The following MCM3AP variants were observed in gnomAD, a reference collection of about 807,000 sequenced individuals.
The protein encoded by MCM3AP is germinal-center associated nuclear protein.
Under a neutral mutation model 184.1 loss-of-function variants are expected in MCM3AP, and 126 were observed. The ratio of observed to expected loss-of-function variants is 0.68; its 90% CI spans 0.59 to 0.79. The LOEUF (loss-of-function observed/expected upper bound fraction) is 0.79. MCM3AP is among the 30% of genes least tolerant of loss of function. The pLI, the probability that MCM3AP is intolerant of heterozygous loss-of-function variation, is 0.00. For missense variants in MCM3AP, 2,496 were observed against 2,479.2 expected, an observed-to-expected ratio of 1.01 and a Z score of -0.14; for synonymous variants, 1,002 against 979.3, an observed-to-expected ratio of 1.02 and a Z score of -0.43.
In MCM3AP at chr21:46,259,009, C is replaced by A; in HGVS notation, c.3664G>T (p.Val1222Leu). The change falls in exon 16 of 28, where the codon GTG becomes TTG. Residue 1222 changes from valine to leucine, a missense_variant. Physicochemically the swap from Val to Leu is conservative, Grantham distance 32 (BLOSUM62 1). Around this residue, in one of 5 missense-constraint regions of MCM3AP, gnomAD observed 1,323 missense variants for 1,273.4 expected, o/e 1.04. Transcript: ENST00000291688. ...TTTGCAGTCTGGAAGATTTCCTCCA[C>A]GAGAAACAAGTCCACTAAGTGGGCA... ...VCAHLVDLFL[V>L]EEIFQTAKET... 1 of 1,614,060 alleles carries A rather than the reference C, an allele frequency of 6.2e-7. No individual in the cohort carries two copies. Among genetic ancestry groups the A allele is most frequent in the Non-Finnish European group, 8.5e-7 (1 of 1,179,990 alleles).
chr21:46,275,192 A>T lies in MCM3AP; in HGVS notation c.1992T>A (p.Thr664=). The T allele has an allele frequency of 6.2e-7, 1 of 1,613,124 alleles. No individual in the cohort carries two copies. The highest frequency in any genetic ancestry group is 1.1e-5 in the South Asian group (1 of 90,880). ...GGGAGATGCAGGGCTCTACCTGGTC[A>T]GTCCCTGGGACCACTTCGAACACGC... The part of the protein sequence containing the change: ...QLSVFEVVPG[T]DQVDHAAAVK... The change falls in exon 6 of 28, where the codon ACT becomes ACA. Residue 664 remains threonine (T), a synonymous_variant. Coordinates refer to ENST00000291688, the MANE Select transcript of MCM3AP (RefSeq NM_003906.5).
At chr21:46,278,419 T>C (rs1179499348) in intron 4 of MCM3AP, among the ~76,000 whole-genome samples, 1 of 152,148 alleles carries the variant, frequency 6.6e-6, no homozygotes, top group Non-Finnish European at 1.5e-5. Context: ...AACCAGCAAC[T>C]AAACTGCTCG....
intron 8 of MCM3AP, 23 bp from the exon 9 acceptor site, chr21:46,270,586 G>A (rs1448428074): frequency 2.6e-6 from 4 of 1,562,458 alleles, no homozygotes; most frequent in Non-Finnish European, 3.5e-6. Flanking sequence ...GGAGAGAAAA[G>A]GGGTTGGAAT....
intron 8 of MCM3AP, 38 bp from the exon 9 acceptor site, chr21:46,270,601 T>A: frequency 2.0e-6 from 3 of 1,524,250 alleles, no homozygotes; most frequent in Non-Finnish European, 2.7e-6. Context: ...TGGAATGTTA[T>A]TTTAAATAAG....
chr21:46,263,303 C>T (rs1312070687), intron 13 of MCM3AP, among the ~76,000 whole-genome samples: 1 of 152,028 alleles, frequency 6.6e-6, no homozygotes, highest in African/African-American at 2.4e-5. Context: ...GCACTCCAGC[C>T]TGGGCGACAG....
chr21:46,256,861 A>G lies in MCM3AP; in HGVS notation c.3860T>C (p.Ile1287Thr), dbSNP rs142441939. ...GCCCCTGGCCAGGTTCTCTTCAGCA[A>G]TGGGGCACTCTGCGCTGGGCGCCAG... ...RALAPSAECP[I>T]AEENLARGLL... is the part of the protein sequence containing the mutation. The change falls in exon 17 of 28, where the codon ATT (isoleucine) becomes ACT (threonine). Residue 1287 changes from isoleucine to threonine, a missense_variant. Ile to Thr is a moderately conservative substitution (Grantham distance 89). Around this residue, in one of 5 missense-constraint regions of MCM3AP, gnomAD observed 1,323 missense variants for 1,273.4 expected, o/e 1.04. Transcript: ENST00000291688. The G allele has an allele frequency of 2.2e-5, 35 of 1,584,208 alleles. No individual in the cohort carries two copies. The highest frequency in any genetic ancestry group is 2.9e-5 in the Non-Finnish European group (34 of 1,165,192).
In MCM3AP at chr21:46,245,059, G is replaced by C; in HGVS notation, c.4786C>G (p.Arg1596Gly). The C allele has an allele frequency of 1.9e-6, 3 of 1,614,196 alleles. No individual in the cohort carries two copies. Among genetic ancestry groups the C allele is most frequent in the Non-Finnish European group, 2.5e-6 (3 of 1,180,032 alleles). The change falls in exon 23 of 28, where the codon CGT (arginine) becomes GGT (glycine). Residue 1596 changes from arginine to glycine, a missense_variant. Transcript: ENST00000291688. ...GRFFHDRRER[R>G]LGGLASQEPG... is the part of the protein sequence containing the mutation. ...TCCTGAGAAGCAAGACCGCCCAGACGCCTCTCTCTTCTGTCATGGAAAAAG... is the reference window on the plus strand; with the variant it reads ...TCCTGAGAAGCAAGACCGCCCAGACCCCTCTCTCTTCTGTCATGGAAAAAG...
chr21:46,240,716 T>C, intron 26 of MCM3AP, 95 bp downstream of exon 26: 1 of 1,118,616 alleles, frequency 8.9e-7, no homozygotes, highest in Non-Finnish European at 1.3e-6. Context: ...CCCTTCTCCA[T>C]CCTGGCTGTC....
chr21:46,246,615 T>G lies in MCM3AP; in HGVS notation c.4549+13A>C. ...AACAATGCTGCTTCATAAACGAGAC[T>G]TCCTTCACAAACCATCTTCTACTTC... On this transcript the variant is annotated intron_variant, in intron 21 of 27. Coordinates refer to ENST00000291688, the MANE Select transcript of MCM3AP (RefSeq NM_003906.5). 1 of 1,606,980 alleles carries G rather than the reference T, an allele frequency of 6.2e-7. No homozygotes were observed. Among genetic ancestry groups the G allele is most frequent in the East Asian group, 2.2e-5 (1 of 44,688 alleles).
Position 46,256,899 on chromosome 21 carries a change from G to C in MCM3AP, c.3822C>G (p.Asp1274Glu). The change falls in exon 17 of 28, where the codon GAC becomes GAG. Residue 1274 changes from aspartate (D) to glutamate (E), a missense_variant. By Grantham distance (45) the Asp-to-Glu change is conservative (BLOSUM62 2). Transcript: ENST00000291688. ...CGCTGGGCGCCAGCGCCCTCAGCCG[G>C]TCGCTCACGTCCACGCAGCAGGGCG... ...PAAPCCVDVS[D>E]RLRALAPSAE... The C allele has an allele frequency of 6.2e-7, 1 of 1,607,556 alleles. No homozygotes were observed. The highest frequency in any genetic ancestry group is 2.2e-5 in the East Asian group (1 of 44,674).
In MCM3AP at chr21:46,272,843, AG is replaced by A. The variant is rs1354594292; in HGVS notation, c.2197-15del. On this transcript the variant is annotated splice_polypyrimidine_tract_variant and intron_variant, in intron 7 of 27. Coordinates refer to ENST00000291688, the MANE Select transcript of MCM3AP (RefSeq NM_003906.5). ...CTGCGTGATATCCTGGCCACAGGCGAGGGGGAGGATCACACACACATTCCCA... is the reference window on the plus strand; with the variant it reads ...CTGCGTGATATCCTGGCCACAGGCGAGGGGAGGATCACACACACATTCCCA... The A allele has an allele frequency of 1.3e-6, 2 of 1,560,672 alleles. No homozygotes were observed. The highest frequency in any genetic ancestry group is 1.8e-5 in the Admixed American group (1 of 54,200).
Position 46,285,433 on chromosome 21 carries a change from G to A in MCM3AP, c.-147C>T, listed in dbSNP as rs1205106181. 1.6e-6 allele frequency: 1 copy of A among 621,078 alleles called. No individual in the cohort carries two copies. Among genetic ancestry groups the A allele is most frequent in the Non-Finnish European group, 2.8e-6 (1 of 351,638 alleles). The allele number at this position is 621,078 out of a possible 1,614,324, so 38.5% of individuals were successfully genotyped here. A position where few individuals can be genotyped will look rare whatever the true frequency, so the allele number is the denominator to read the frequency against. ...ATTCAGATCATCATAGCTATGTTCT[G>A]CTACAAGTCTAAGAAAAGAATTTTT... is the stretch of plus-strand genomic sequence containing the variant. On this transcript the variant is annotated 5_prime_UTR_variant, in exon 1 of 28. Transcript: ENST00000291688.
intron 16 of MCM3AP, 128 bp from the exon 17 acceptor site, chr21:46,257,114 C>T (rs535588828): frequency 1.1e-4 from 145 of 1,294,674 alleles, no homozygotes; most frequent in Non-Finnish European, 1.4e-4. Flanking sequence ...ATGAAACTAC[C>T]GAACGTTAAC....
At chr21:46,242,004 G>T (rs993087380) in intron 25 of MCM3AP, 2 of 152,172 alleles carry the variant, frequency 1.3e-5, no homozygotes, top group Admixed American at 1.3e-4. Flanking sequence ...TTATTGTTGT[G>T]AATGAGAATT....
chr21:46,269,513 A>G lies in MCM3AP; in HGVS notation c.2628+888T>C, dbSNP rs143188725. 1.5e-4 allele frequency among the ~76,000 whole-genome samples: 23 copies of G among 152,298 alleles called. No individual in the cohort carries two copies. In the East Asian group the frequency reaches 4.1e-3, roughly 27 times the overall value. ...CAACCTGCAGATCTGACAAGGAGCAAACCTGCAAAAGACCTTCTGACTGTG... is the reference window on the plus strand; with the variant it reads ...CAACCTGCAGATCTGACAAGGAGCAGACCTGCAAAAGACCTTCTGACTGTG... On this transcript the variant is annotated intron_variant, in intron 9 of 27. Coordinates refer to ENST00000291688, the MANE Select transcript of MCM3AP (RefSeq NM_003906.5).
intron 25 of MCM3AP, chr21:46,241,389 G>GT (rs1419869788): frequency 5.6e-6 from 1 of 177,126 alleles, no homozygotes; most frequent in African/African-American, 2.4e-5. Context: ...TATTGGCAAG[G>GT]TTTTTTATAG....
At chr21:46,283,861 C>T (rs1219270699) in intron 1 of MCM3AP, 23 bp from the exon 2 acceptor site, 3 of 1,596,380 alleles carry the variant, frequency 1.9e-6, no homozygotes, top group East Asian at 2.2e-5. Flanking sequence ...AGAATGGACA[C>T]TTAAACCATC....
At chr21:46,273,343 A>G (rs756124008) in intron 7 of MCM3AP, 45 bp downstream of exon 7, 1 of 1,543,966 alleles carries the variant, frequency 6.5e-7, no homozygotes, top group Non-Finnish European at 8.9e-7. Context: ...TTGACTTTGG[A>G]ATTTGCGTGG....
At chr21:46,257,048 T>A in intron 16 of MCM3AP, 62 bp from the exon 17 acceptor site, 1 of 1,544,568 alleles carries the variant, frequency 6.5e-7, no homozygotes, top group Non-Finnish European at 8.8e-7. Context: ...GAGAAACACA[T>A]TGCAGTCAGA....
Sources: allele counts gnomAD v4.1 joint callset (sites outside exome capture counted in the v4.1 genomes callset), GRCh38; gene constraint gnomAD v4.1.1; regional missense constraint gnomAD v4.1.1; transcripts MANE v1.5; gene names NCBI Gene and HGNC (gene_info 2026-07-23, HGNC 2026-07-21).